ARMC9: variants seen among roughly 807,000 people sequenced by gnomAD.
The protein encoded by ARMC9 is lisH domain-containing protein ARMC9.
Under a neutral mutation model 107.0 loss-of-function variants are expected in ARMC9, and 94 were observed. The ratio of observed to expected loss-of-function variants is 0.88; its 90% CI spans 0.74 to 1.04. The LOEUF is 1.04. Ranked by LOEUF, ARMC9 falls within the 50% of genes least tolerant of loss-of-function variation. The pLI, the probability that ARMC9 is intolerant of heterozygous loss-of-function variation, is 0.00. For missense variants in ARMC9, 942 were observed against 1,030.1 expected, an observed-to-expected ratio of 0.91 and a Z score of 1.17; for synonymous variants, 380 against 396.9, an observed-to-expected ratio of 0.96 and a Z score of 0.51.
chr2:231,245,283 A>G (rs1233875594), intron 9 of ARMC9, among the ~76,000 whole-genome samples: 4 of 152,188 alleles, frequency 2.6e-5, no homozygotes, highest in African/African-American at 9.7e-5. Context: ...AGTAAGGGAG[A>G]AAGTTATCCC....
chr2:231,217,862 G>A (rs1016128435), intron 5 of ARMC9, among the ~76,000 whole-genome samples: 1 of 151,988 alleles, frequency 6.6e-6, no homozygotes, highest in Non-Finnish European at 1.5e-5. Context: ...CTGGCTAATT[G>A]TTGTATTTTT....
chr2:231,291,396 C>G lies in ARMC9; in HGVS notation c.1670C>G (p.Ala557Gly). Residue 557 changes from alanine to glycine, a missense_variant, in exon 18 of 25, where the codon GCT becomes GGT. Transcript: ENST00000611582. ...ILRCFIKEGN[A>G]EMIRQIEFII... ...CGCTGCTTCATCAAAGAAGGCAATGCTGAAATGATCCGCCAGATAGAATTC... is the reference window on the plus strand; with the variant it reads ...CGCTGCTTCATCAAAGAAGGCAATGGTGAAATGATCCGCCAGATAGAATTC... The G allele has an allele frequency of 6.2e-7, 1 of 1,613,790 alleles. No homozygotes were observed.
At chr2:231,329,472 G>C (rs1056376350) in intron 19 of ARMC9, among the ~76,000 whole-genome samples, 1 of 152,084 alleles carries the variant, frequency 6.6e-6, no homozygotes, top group Non-Finnish European at 1.5e-5. Flanking sequence ...ACCACGCCCA[G>C]CTAATTTTGT....
At chr2:231,233,007 C>T (rs1245729629) in intron 7 of ARMC9, among the ~76,000 whole-genome samples, 2 of 151,968 alleles carry the variant, frequency 1.3e-5, no homozygotes, top group Non-Finnish European at 2.9e-5. Context: ...CGTGCCTCCA[C>T]GCCTGGCTAG....
At chr2:231,244,176 G>T (rs1335299699) in intron 9 of ARMC9, among the ~76,000 whole-genome samples, 1 of 152,056 alleles carries the variant, frequency 6.6e-6, no homozygotes, top group Non-Finnish European at 1.5e-5. Context: ...TTTATATCTG[G>T]CAGTTAACAA....
intron 11 of ARMC9, among the ~76,000 whole-genome samples, chr2:231,259,879 C>T (rs1286388410): frequency 6.6e-6 from 1 of 152,068 alleles, no homozygotes; most frequent in African/African-American, 2.4e-5. Flanking sequence ...GCCTGTAGTC[C>T]CAGCTACTCA....
At chr2:231,256,944 G>T (rs2125404902) in intron 10 of ARMC9, among the ~76,000 whole-genome samples, 1 of 152,214 alleles carries the variant, frequency 6.6e-6, no homozygotes, top group South Asian at 2.1e-4. Context: ...TCCTGCCTCA[G>T]TCTCCCGATT....
Position 231,235,383 on chromosome 2 carries a change from T to C in ARMC9, c.780+2T>C. 3.1e-6 allele frequency: 5 copies of C among 1,614,040 alleles called. No individual in the cohort carries two copies. Among genetic ancestry groups the C allele is most frequent in the Non-Finnish European group, 4.2e-6 (5 of 1,179,960 alleles). ...GAGGCCACAGTCAGCGGCAAGATGG[T>C]AAGGAAGATCCCTAATTGTGTGTAT... On this transcript the variant is annotated splice_donor_variant, in intron 8 of 24. Transcript: ENST00000611582. LOFTEE classifies it high-confidence loss of function.
intron 16 of ARMC9, among the ~76,000 whole-genome samples, chr2:231,279,778 G>A (rs778543532): frequency 6.6e-6 from 1 of 151,978 alleles, no homozygotes; most frequent in Non-Finnish European, 1.5e-5. Flanking sequence ...CCAAAATGCT[G>A]GGATTACAAG....
chr2:231,241,469 G>GT (rs2036296718), intron 9 of ARMC9, among the ~76,000 whole-genome samples: 1 of 152,024 alleles, frequency 6.6e-6, no homozygotes, highest in African/African-American at 2.4e-5. Flanking sequence ...AGGCTGCGTG[G>GT]GTGAAGCCCT....
intron 19 of ARMC9, among the ~76,000 whole-genome samples, chr2:231,313,658 C>G (rs986463762): frequency 3.3e-5 from 5 of 152,192 alleles, no homozygotes; most frequent in Middle Eastern, 3.2e-3. Context: ...CCCCCACCCC[C>G]ACAAACCCCA....
intron 9 of ARMC9, 81 bp from the exon 10 acceptor site, chr2:231,256,505 A>T (rs2037832170): frequency 5.2e-6 from 8 of 1,535,546 alleles, no homozygotes; most frequent in Non-Finnish European, 7.2e-6. Flanking sequence ...TGTTGATTCC[A>T]TGCTATTAGG....
intron 17 of ARMC9, among the ~76,000 whole-genome samples, chr2:231,289,690 A>G (rs534311322): frequency 3.7e-4 from 57 of 152,284 alleles, no homozygotes; most frequent in African/African-American, 1.3e-3. Flanking sequence ...CAGGTGTCCA[A>G]CTGGTCCCGC....
At chr2:231,314,795 G>GT (rs1423234741) in intron 19 of ARMC9, among the ~76,000 whole-genome samples, 1 of 152,218 alleles carries the variant, frequency 6.6e-6, no homozygotes, top group Non-Finnish European at 1.5e-5. Flanking sequence ...TAACTCCTAT[G>GT]TTTAGGTATA....
chr2:231,310,348 G>A (rs537757423), intron 19 of ARMC9, among the ~76,000 whole-genome samples: 52 of 151,600 alleles, frequency 3.4e-4, no homozygotes, highest in African/African-American at 1.1e-3. Context: ...GAACCCGGGA[G>A]GCAAGGTTGC....
In ARMC9 at chr2:231,255,180, AACAC is replaced by A. The variant is rs3042595; in HGVS notation, c.880-1368_880-1365del. ...AGCACTACCTGTAGTGGCAAAAAGA[AACAC>A]ACACACACACACACACACACACACA... On this transcript the variant is annotated intron_variant, in intron 9 of 24. Transcript: ENST00000611582. This position sits in a 1 kb window ranked among gnomAD's most constrained non-coding sequence, Gnocchi z 4.7. 0.081 allele frequency among the ~76,000 whole-genome samples: 11,911 copies of A among 146,744 alleles called. 741 individuals are homozygous for A. Among genetic ancestry groups the A allele is most frequent in the East Asian group, 0.36 (1,785 of 4,966 alleles).
rs773618086 is a variant in ARMC9 at position 231,269,398 on chromosome 2, CT to C, written c.1120-1563del. 4.4e-3 allele frequency among the ~76,000 whole-genome samples: 491 copies of C among 112,364 alleles called. 2 individuals carry two copies. Among genetic ancestry groups the C allele is most frequent in the African/African-American group, 0.013 (343 of 25,758 alleles). The allele number at this position is 112,364 out of a possible 152,430, so 73.7% of individuals were successfully genotyped here. ...TCTTTAGGAGATTTCTTTTCTTCTTCTTTTTTTTTTTTTTTTTTTTTGAGAC... is the reference window on the plus strand; with the variant it reads ...TCTTTAGGAGATTTCTTTTCTTCTTCTTTTTTTTTTTTTTTTTTTTGAGAC... On this transcript the variant is annotated intron_variant, in intron 12 of 24. Coordinates refer to ENST00000611582, the MANE Select transcript of ARMC9 (RefSeq NM_001352754.2).
At chr2:231,245,770 T>C (rs6437009) in intron 9 of ARMC9, among the ~76,000 whole-genome samples, 76,252 of 152,174 alleles carry the variant, frequency 0.5, 22,821 homozygotes, top group African/African-American at 0.83. Context: ...TGGTGTAGTA[T>C]GCATTTTCCC....
rs188892326 is a variant in ARMC9, at chr2:231,312,305, G to A, written c.1773+16052G>A. Reference sequence around the variant, plus strand: ...ACTGGGCATCTCTGAGTTCCAAGAGGTTGAAGTTGGAAGCTTCCAGTCCTC... The same window carrying A: ...ACTGGGCATCTCTGAGTTCCAAGAGATTGAAGTTGGAAGCTTCCAGTCCTC... On this transcript the variant is annotated intron_variant, in intron 19 of 24. Coordinates refer to ENST00000611582, the MANE Select transcript of ARMC9 (RefSeq NM_001352754.2). Among the ~76,000 whole-genome samples, 26 of 152,324 alleles carry A rather than the reference G, an allele frequency of 1.7e-4. 1 individual carries two copies. In the East Asian group the frequency reaches 4.8e-3, roughly 28 times the overall value.
Sources: allele counts gnomAD v4.1 joint callset (sites outside exome capture counted in the v4.1 genomes callset), GRCh38; gene constraint gnomAD v4.1.1; non-coding constraint Gnocchi (gnomAD v3.1); transcripts MANE v1.5; gene names NCBI Gene and HGNC (gene_info 2026-07-23, HGNC 2026-07-21).